Variants in MMP2 observed in about 807,000 individuals in gnomAD.
The protein encoded by MMP2 is 72 kDa type IV collagenase.
MMP2 carries 39 observed loss-of-function variants against 74.8 expected under a neutral mutation model. The observed-to-expected ratio is 0.52, with a 90% CI of 0.40 to 0.68. The LOEUF is 0.68. MMP2 is among the 30% of genes least tolerant of loss of function. The pLI is 0.00. For missense variants in MMP2, 803 were observed against 878.3 expected (o/e 0.91, Z 1.08); for synonymous variants, 367 against 339.8 (o/e 1.08, Z -0.88).
At chr16:55,491,983 TGGAGG>T in intron 8 of MMP2, 27 bp downstream of exon 8, 1 of 1,061,202 alleles carries the variant, frequency 9.4e-7, no homozygotes, top group Non-Finnish European at 1.3e-6. Flanking sequence ...GGGTTGGGGG[TGGAGG>T]GTGAGGAGGG....
At chr16:55,499,231 G>T (rs1962606374) in intron 11 of MMP2, among the ~76,000 whole-genome samples, 1 of 152,004 alleles carries the variant, frequency 6.6e-6, no homozygotes, top group Non-Finnish European at 1.5e-5. Flanking sequence ...AGCCAGGTAG[G>T]GACAGGTTGG....
chr16:55,484,182 C>G lies in MMP2; in HGVS notation c.529+18C>G, dbSNP rs755044046. 6.2e-7 allele frequency: 1 copy of G among 1,612,804 alleles called. No homozygotes were observed. Among genetic ancestry groups the G allele is most frequent in the African/African-American group, 1.3e-5 (1 of 74,834 alleles). ...CCGCTGGGGTAGGCAGAAGATGGGG[C>G]AGAAGAGGGGCCAGCAGGGATCAGT... On this transcript the variant is annotated intron_variant, in intron 3 of 12. Coordinates refer to ENST00000219070, the MANE Select transcript of MMP2 (RefSeq NM_004530.6).
chr16:55,486,621 T>A (rs1962268137), intron 5 of MMP2: 1 of 152,112 alleles, frequency 6.6e-6, no homozygotes, highest in Non-Finnish European at 1.5e-5. Flanking sequence ...CAATCCTTTT[T>A]AAAAATATCC....
intron 9 of MMP2, among the ~76,000 whole-genome samples, chr16:55,494,977 G>T (rs188580636): frequency 9.1e-4 from 138 of 152,342 alleles, no homozygotes; most frequent in Middle Eastern, 3.4e-3. Flanking sequence ...TGAGAATCTG[G>T]TGAGGCTAGA....
At chr16:55,497,139 C>T (rs1962551213) in intron 10 of MMP2, 77 bp downstream of exon 10, 5 of 1,596,678 alleles carry the variant, frequency 3.1e-6, no homozygotes, top group African/African-American at 1.3e-5. Context: ...CCCAGGCTCA[C>T]TCCCCCTCTC....
rs1291353303 is a variant in MMP2, at chr16:55,502,899, C to A, written c.1879+11C>A. ...ACCTGCAGGGCGGCGGTGAGCCACC[C>A]AGGACTGTCTCCGCTTTCTAGGACT... On this transcript the variant is annotated intron_variant, in intron 12 of 12. Transcript: ENST00000219070. The A allele has an allele frequency of 6.2e-7, 1 of 1,607,904 alleles. No homozygotes were observed.
intron 3 of MMP2, among the ~76,000 whole-genome samples, chr16:55,484,740 A>T (rs1344797123): frequency 2.0e-5 from 3 of 152,196 alleles, no homozygotes; most frequent in Non-Finnish European, 2.9e-5. Context: ...TTATGGTGTG[A>T]ACACTGCCAG....
chr16:55,497,094 G>T (rs1331709019), intron 10 of MMP2, 32 bp downstream of exon 10: 4 of 1,613,438 alleles, frequency 2.5e-6, no homozygotes, highest in Non-Finnish European at 2.5e-6. Flanking sequence ...TTGGCCCTCA[G>T]CTCCACAGGG....
chr16:55,485,200 T>C (rs1179527174), intron 3 of MMP2, 99 bp from the exon 4 acceptor site: 3 of 1,555,500 alleles, frequency 1.9e-6, no homozygotes, highest in East Asian at 2.2e-5. Flanking sequence ...AGGGGACAGA[T>C]GCTGGGTGGG....
In MMP2 at chr16:55,488,621, G is replaced by C; in HGVS notation, c.911G>C (p.Ser304Thr). The C allele has an allele frequency of 2.5e-6, 4 of 1,613,942 alleles. No individual in the cohort carries two copies. Among genetic ancestry groups the C allele is most frequent in the Non-Finnish European group, 3.4e-6 (4 of 1,179,968 alleles). ...CGCTTCCAGGGCACATCCTATGACAGCTGCACCACTGAGGGCCGCACGGAT... is the reference window on the plus strand; with the variant it reads ...CGCTTCCAGGGCACATCCTATGACACCTGCACCACTGAGGGCCGCACGGAT... ...PFRFQGTSYD[S>T]CTTEGRTDGY... The change falls in exon 6 of 13, where the codon AGC (serine) becomes ACC (threonine). Residue 304 changes from serine (S) to threonine (T), a missense_variant. Around this residue, in one of 3 missense-constraint regions of MMP2, gnomAD observed 555 missense variants for 592.0 expected, o/e 0.94. Transcript: ENST00000219070.
chr16:55,499,916 C>A (rs1962623640), intron 11 of MMP2, among the ~76,000 whole-genome samples: 1 of 152,018 alleles, frequency 6.6e-6, no homozygotes, highest in African/African-American at 2.4e-5. Flanking sequence ...TGGGCCCTAC[C>A]CAAGAATTTT....
intron 12 of MMP2, 86 bp from the exon 13 acceptor site, chr16:55,505,253 A>G: frequency 9.0e-7 from 1 of 1,110,744 alleles, no homozygotes; most frequent in Non-Finnish European, 1.4e-6. Context: ...TCCCTATGCC[A>G]GGCAGAAATT....
At chr16:55,495,713 TA>T (rs1962514904) in intron 9 of MMP2, among the ~76,000 whole-genome samples, 1 of 152,072 alleles carries the variant, frequency 6.6e-6, no homozygotes, top group South Asian at 2.1e-4. Context: ...GCCTAAACAG[TA>T]GAGAGAAATT....
At chr16:55,483,949 A>G (rs1962171940) in intron 2 of MMP2, 67 bp from the exon 3 acceptor site, 4 of 1,547,624 alleles carry the variant, frequency 2.6e-6, no homozygotes, top group South Asian at 2.2e-5. Context: ...GTGCACACAC[A>G]CATACTTGCA....
intron 6 of MMP2, among the ~76,000 whole-genome samples, chr16:55,489,009 G>A (rs1488679521): frequency 6.6e-6 from 1 of 152,120 alleles, no homozygotes; most frequent in Non-Finnish European, 1.5e-5. Context: ...TTTTCTCTCA[G>A]GCTCTCTGGC....
chr16:55,482,045 T>G (rs1962118897), intron 1 of MMP2, among the ~76,000 whole-genome samples: 1 of 152,242 alleles, frequency 6.6e-6, no homozygotes, highest in African/African-American at 2.4e-5. Flanking sequence ...CTTCATTTTG[T>G]TTTATTTGGG....
At chr16:55,491,626 G>A (rs1198087672) in intron 7 of MMP2, among the ~76,000 whole-genome samples, 175 bp from the exon 8 acceptor site, 3 of 151,932 alleles carry the variant, frequency 2.0e-5, no homozygotes, top group Non-Finnish European at 4.4e-5. Flanking sequence ...CCAAAATTGT[G>A]TATTGATCCC....
chr16:55,493,116 C>T, intron 8 of MMP2, 42 bp from the exon 9 acceptor site: 3 of 1,611,766 alleles, frequency 1.9e-6, no homozygotes, highest in Non-Finnish European at 2.5e-6. Flanking sequence ...TGGGGAGAAC[C>T]TCTGGAGCTG....
intron 9 of MMP2, 47 bp from the exon 10 acceptor site, chr16:55,496,879 A>C: frequency 6.2e-7 from 1 of 1,610,646 alleles, no homozygotes; most frequent in Non-Finnish European, 8.5e-7. Flanking sequence ...TTCGAGCTGC[A>C]GGGTGACTGA....
Sources: allele counts gnomAD v4.1 joint callset (sites outside exome capture counted in the v4.1 genomes callset), GRCh38; gene constraint gnomAD v4.1.1; regional missense constraint gnomAD v4.1.1; transcripts MANE v1.5; gene names NCBI Gene and HGNC (gene_info 2026-07-23, HGNC 2026-07-21).